Variants in SALL2 observed in about 807,000 individuals in gnomAD.
SALL2 encodes spalt like transcription factor 2.
In SALL2, 32 loss-of-function variants were observed where a neutral mutation model predicts 58.5. The observed-to-expected ratio is 0.55, with a 90% confidence interval of 0.41 to 0.74. The LOEUF is 0.74. SALL2 is among the 30% of genes least tolerant of loss of function. The pLI is 0.00. For synonymous variants in SALL2, 516 were observed against 513.6 expected (o/e 1.00, Z -0.06); for missense variants, 1,201 against 1,268.9 (o/e 0.95, Z 0.81).
Position 21,522,307 on chromosome 14 carries a change from C to A in SALL2, c.*397G>T, listed in dbSNP as rs1594455168. 6 of 1,502,840 alleles carry A rather than the reference C, an allele frequency of 4.0e-6. No individual in the cohort carries two copies. In the East Asian group the frequency reaches 1.5e-4, roughly 37 times the overall value. 93.1% of individuals were successfully genotyped at this position (1,502,840 alleles called of 1,614,324 possible). ...GAAAGGTCACCCCAGAGGAGTGGCA[C>A]TGGGCCCTCCAGAGACAGCTGCCAG... On this transcript the variant is annotated 3_prime_UTR_variant, in exon 2 of 2. Coordinates refer to ENST00000537235, the MANE Select transcript of SALL2 (RefSeq NM_001364564.1).
At chr14:21,531,945 G>A (rs1435805903) in intron 1 of SALL2, among the ~76,000 whole-genome samples, 1 of 151,834 alleles carries the variant, frequency 6.6e-6, no homozygotes, top group East Asian at 1.9e-4. Flanking sequence ...GGCCAGGCTG[G>A]TCTTGAACTC....
chr14:21,525,229 G>T lies in SALL2; in HGVS notation c.493C>A (p.Pro165Thr), dbSNP rs150787846. ...CCACTGCCTACCCCTGGGGGCGGAG[G>T]GGGTGGTGGAGGAGGAGGGGGTGCA... Reference protein sequence around the residue: ...TPAPPPPPPPPPPPGVGSGHL... With the variant: ...TPAPPPPPPPTPPPGVGSGHL... The change falls in exon 2 of 2, where the codon CCT becomes ACT. Residue 165 changes from proline to threonine, a missense_variant. Transcript: ENST00000537235. This position sits in a 1 kb window ranked among gnomAD's most constrained non-coding sequence, Gnocchi z 4.4. The T allele has an allele frequency of 1.3e-3, 2,041 of 1,613,118 alleles. 4 individuals are homozygous for T. Among genetic ancestry groups the T allele is most frequent in the Non-Finnish European group, 1.6e-3 (1,881 of 1,179,452 alleles).
In SALL2 at chr14:21,524,769, G is replaced by A; in HGVS notation, c.953C>T (p.Ala318Val). 1.2e-6 allele frequency: 2 copies of A among 1,606,612 alleles called. No homozygotes were observed. The highest frequency in any genetic ancestry group is 8.5e-7 in the Non-Finnish European group (1 of 1,176,000). ...TDQLIASPHLAFPSTTGLLAA... is the reference protein window; with the variant it reads ...TDQLIASPHLVFPSTTGLLAA... Reference sequence around the variant, plus strand: ...CAGTAGTCCCGTGGTGCTTGGGAATGCCAGATGAGGCGAGGCAATCAGCTG... The same window carrying A: ...CAGTAGTCCCGTGGTGCTTGGGAATACCAGATGAGGCGAGGCAATCAGCTG... The change falls in exon 2 of 2, where the codon GCA becomes GTA. Residue 318 changes from alanine (A) to valine (V), a missense_variant. Ala to Val is a moderately conservative substitution (Grantham distance 64). Coordinates refer to ENST00000537235, the MANE Select transcript of SALL2 (RefSeq NM_001364564.1).
chr14:21,535,117 G>C (rs142616280), intron 1 of SALL2, among the ~76,000 whole-genome samples: 2 of 152,000 alleles, frequency 1.3e-5, no homozygotes, highest in Non-Finnish European at 2.9e-5. Flanking sequence ...AGGCCAAGGC[G>C]GGCAGATTAC....
upstream of SALL2, chr14:21,526,398 A>C: frequency 9.5e-7 from 1 of 1,052,800 alleles, no homozygotes; most frequent in South Asian, 3.5e-5. Context: ...CTGGGGAGGG[A>C]GGCGGGAGCT....
At position 21,524,810 on chromosome 14, in the gene SALL2, C is replaced by T; in HGVS notation, c.912G>A (p.Leu304=). ...HKPTPAPSPA[L]PGSTDQLIAS... ...CAATCAGCTGATCTGTGCTGCCTGG[C>T]AAGGCTGGGGAAGGGGCAGGGGTGG... Residue 304 remains leucine, a synonymous_variant, in exon 2 of 2, where the codon TTG becomes TTA. Transcript: ENST00000537235. 1 of 1,609,576 alleles carries T rather than the reference C, an allele frequency of 6.2e-7. No homozygotes were observed. Among genetic ancestry groups the T allele is most frequent in the Non-Finnish European group, 8.5e-7 (1 of 1,177,816 alleles).
upstream of SALL2, chr14:21,526,575 A>ACCCTCCTCCCCCCGCCCTC: frequency 4.2e-6 from 4 of 953,578 alleles, no homozygotes; most frequent in Non-Finnish European, 5.1e-6. Flanking sequence ...GCCCAGGCCT[A>ACCCTCCTCCCCCCGCCCTC]CCCTCCTCCC....
chr14:21,523,133 C>G lies in SALL2; in HGVS notation c.2589G>C (p.Glu863Asp). 4 of 1,614,182 alleles carry G rather than the reference C, an allele frequency of 2.5e-6. No individual in the cohort carries two copies. The highest frequency in any genetic ancestry group is 3.4e-6 in the Non-Finnish European group (4 of 1,180,008). Residue 863 changes from glutamate (E) to aspartate (D), a missense_variant, in exon 2 of 2, where the codon GAG becomes GAC. Physicochemically the swap from Glu to Asp is conservative, Grantham distance 45. Coordinates refer to ENST00000537235, the MANE Select transcript of SALL2 (RefSeq NM_001364564.1). The surrounding 1 kb of genome is among the most constrained non-coding windows in gnomAD (Gnocchi z 4.4). ...GSSGVLGGKE[E>D]GGKPERSSSP... ...TTGAGCTTCTCTCCGGTTTGCCCCC[C>G]TCTTCCTTGCCTCCTAAAACACCAC... is the stretch of plus-strand genomic sequence containing the variant.
At chr14:21,536,829 A>AC in intron 1 of SALL2, 2 of 1,609,086 alleles carry the variant, frequency 1.2e-6, no homozygotes, top group South Asian at 2.2e-5. Context: ...AGGGGCCCCC[A>AC]CCCCTCCCCA....
At chr14:21,528,372 T>A (rs530880003), upstream of SALL2, among the ~76,000 whole-genome samples, 64 of 152,306 alleles carry the variant, frequency 4.2e-4, no homozygotes, top group African/African-American at 1.3e-3. Context: ...AGGTAGGAAG[T>A]CTTTTATTGC....
intron 1 of SALL2, among the ~76,000 whole-genome samples, chr14:21,533,274 G>A (rs1892511858): frequency 6.6e-6 from 1 of 152,136 alleles, no homozygotes. Flanking sequence ...TTTCTGATCT[G>A]GGAATACCTA....
rs1344854362 is a variant in SALL2, at chr14:21,524,793, T to C, written c.929A>G (p.Gln310Arg). 6.2e-7 allele frequency: 1 copy of C among 1,607,624 alleles called. No homozygotes were observed. The highest frequency in any genetic ancestry group is 1.7e-5 in the Admixed American group (1 of 59,482). ...TGCCAGATGAGGCGAGGCAATCAGC[T>C]GATCTGTGCTGCCTGGCAAGGCTGG... is the stretch of plus-strand genomic sequence containing the variant. Reference protein sequence around the residue: ...PSPALPGSTDQLIASPHLAFP... With the variant: ...PSPALPGSTDRLIASPHLAFP... The change falls in exon 2 of 2, where the codon CAG becomes CGG. Residue 310 changes from glutamine to arginine, a missense_variant. This residue lies in a region of SALL2 where 467 missense variants were observed against 468.9 expected (regional missense o/e 1.00). Coordinates refer to ENST00000537235, the MANE Select transcript of SALL2 (RefSeq NM_001364564.1).
Position 21,526,162 on chromosome 14 carries a change from G to T in SALL2, c.-35C>A. 1.3e-6 allele frequency: 2 copies of T among 1,537,656 alleles called. No homozygotes were observed. Among genetic ancestry groups the T allele is most frequent in the Middle Eastern group, 1.7e-4 (1 of 5,774 alleles). On this transcript the variant is annotated 5_prime_UTR_variant, in exon 1 of 2. Coordinates refer to ENST00000537235, the MANE Select transcript of SALL2 (RefSeq NM_001364564.1). ...GGAAGTGGAGGGCCAGGTGGGGTGG[G>T]AGACAATGGATATTGGGATTGAGGG...
exon 1 of SALL2, chr14:21,536,980 A>ACGAGACCAGGTCAC: frequency 6.6e-7 from 1 of 1,507,250 alleles, no homozygotes; most frequent in Non-Finnish European, 9.2e-7. Context: ...AACCGGGGTG[A>ACGAGACCAGGTCAC]CCTGGTCTCG....
At chr14:21,528,271 T>C (rs974394136), upstream of SALL2, among the ~76,000 whole-genome samples, 5 of 152,158 alleles carry the variant, frequency 3.3e-5, no homozygotes, top group Non-Finnish European at 7.3e-5. Flanking sequence ...TAAATACACA[T>C]ATACTAAAAT....
At chr14:21,529,507 A>G (rs1261627286), upstream of SALL2, among the ~76,000 whole-genome samples, 1 of 152,096 alleles carries the variant, frequency 6.6e-6, no homozygotes, top group Non-Finnish European at 1.5e-5. Flanking sequence ...GGATTACCAG[A>G]AGAGAGTTTT....
At chr14:21,528,680 A>C (rs565972368), upstream of SALL2, among the ~76,000 whole-genome samples, 4 of 152,292 alleles carry the variant, frequency 2.6e-5, no homozygotes, top group Non-Finnish European at 4.4e-5. Flanking sequence ...TGGAGAGGTT[A>C]AGTGACTTTT....
chr14:21,526,465 C>G (rs1892319022), upstream of SALL2: 5 of 1,296,898 alleles, frequency 3.9e-6, no homozygotes, highest in Non-Finnish European at 3.9e-6. Context: ...GCTCAGAGCT[C>G]GGGAGAGTTT....
At position 21,522,471 on chromosome 14, in the gene SALL2, A is replaced by C. The variant is rs982520835; in HGVS notation, c.*233T>G. 7.1e-7 allele frequency: 1 copy of C among 1,399,384 alleles called. No homozygotes were observed. Among genetic ancestry groups the C allele is most frequent in the African/African-American group, 1.4e-5 (1 of 69,318 alleles). The allele number at this position is 1,399,384 out of a possible 1,614,324, so 86.7% of individuals were successfully genotyped here. On this transcript the variant is annotated 3_prime_UTR_variant, in exon 2 of 2. Coordinates refer to ENST00000537235, the MANE Select transcript of SALL2 (RefSeq NM_001364564.1). Reference sequence around the variant, plus strand: ...GTTCCCCTTGAGAAAGCTGCAGAGAATCTATGTTCCTCAGGTACAAAGAAT... The same window carrying C: ...GTTCCCCTTGAGAAAGCTGCAGAGACTCTATGTTCCTCAGGTACAAAGAAT...
Sources: gnomAD v4.1 joint callset for allele counts (sites outside exome capture counted in the v4.1 genomes callset) on GRCh38, gnomAD v4.1.1 for gene constraint, gnomAD v4.1.1 regional missense constraint, Gnocchi (gnomAD v3.1) non-coding constraint, MANE v1.5 for transcripts, NCBI Gene and HGNC (gene_info 2026-07-23, HGNC 2026-07-21) for gene names.